The following ATAD1 variants were observed in gnomAD, a reference collection of about 807,000 sequenced individuals.
ATAD1 encodes the protein ATPase family AAA domain containing 1, also known as outer mitochondrial transmembrane helix translocase.
Under a neutral mutation model 42.7 loss-of-function variants are expected in ATAD1, and 18 were observed. The ratio of observed to expected loss-of-function variants is 0.42; its 90% CI spans 0.29 to 0.63. The LOEUF (loss-of-function observed/expected upper bound fraction) is 0.63, where lower values mean the gene tolerates loss of function less well. Ranked by LOEUF, ATAD1 falls within the 20% of genes least tolerant of loss-of-function variation. The pLI, the probability that ATAD1 is intolerant of heterozygous loss-of-function variation, is 0.19. For missense variants in ATAD1, 294 were observed against 440.4 expected, an observed-to-expected ratio of 0.67 and a Z score of 2.98; for synonymous variants, 132 against 143.1, an observed-to-expected ratio of 0.92 and a Z score of 0.55.
intron 1 of ATAD1, among the ~76,000 whole-genome samples, chr10:87,838,422 A>T (rs1246042660): frequency 7.7e-6 from 1 of 129,990 alleles, no homozygotes; most frequent in Non-Finnish European, 1.6e-5. Flanking sequence ...AGATTGTGCC[A>T]CTGCAGTCCA....
chr10:87,808,333 CAAAA>C (rs11289738), intron 2 of ATAD1, among the ~76,000 whole-genome samples: 1 of 138,482 alleles, frequency 7.2e-6, no homozygotes. Flanking sequence ...AAAGAAAAGC[CAAAA>C]AAAAAAAAAA....
chr10:87,824,481 A>G lies in ATAD1; in HGVS notation c.-13-9869T>C, dbSNP rs546818595. ...TGTTCTCAAGCCTCAGTTTCCTTAT[A>G]TTTAATATGGGAACAGTAACAGTAC... On this transcript the variant is annotated intron_variant, in intron 1 of 4. Transcript: ENST00000495903. 3.3e-5 allele frequency among the ~76,000 whole-genome samples: 5 copies of G among 152,302 alleles called. No homozygotes were observed. The South Asian group carries it at 8.3e-4, about 25-fold the overall frequency.
chr10:87,828,221 C>T (rs1239922558), intron 1 of ATAD1, among the ~76,000 whole-genome samples: 2 of 152,050 alleles, frequency 1.3e-5, no homozygotes, highest in Non-Finnish European at 2.9e-5. Flanking sequence ...TATTGGCCTC[C>T]CAAAATGTTG....
chr10:87,770,857 CT>C (rs1854996898), intron 7 of ATAD1, 94 bp downstream of exon 7: 5 of 1,086,328 alleles, frequency 4.6e-6, no homozygotes, highest in Non-Finnish European at 6.7e-6. Flanking sequence ...ATAAGCACCC[CT>C]ATATGACAAA....
At chr10:87,803,275 G>A (rs1293209198) in intron 2 of ATAD1, among the ~76,000 whole-genome samples, 4 of 152,140 alleles carry the variant, frequency 2.6e-5, no homozygotes, top group South Asian at 2.1e-4. Context: ...GAGATCAGAC[G>A]AAACTTGAGA....
chr10:87,814,048 T>G (rs1409645212), intron 2 of ATAD1, among the ~76,000 whole-genome samples: 2 of 152,108 alleles, frequency 1.3e-5, no homozygotes, highest in Non-Finnish European at 2.9e-5. Flanking sequence ...AGTTTAAGAC[T>G]GAGAGCGTTT....
intron 5 of ATAD1, 117 bp from the exon 6 acceptor site, chr10:87,776,544 T>C (rs1855314209): frequency 4.2e-6 from 3 of 706,578 alleles, no homozygotes; most frequent in South Asian, 1.8e-5. Context: ...TTACAGCACA[T>C]TGCAACCTCG....
Position 87,754,074 on chromosome 10 carries a change from T to C in ATAD1, c.*613A>G, listed in dbSNP as rs773005557. ...ATATGCAAGATGTGGAGGATCCAACTAATAACTGCAGAAATAAAAACACTC... is the reference window on the plus strand; with the variant it reads ...ATATGCAAGATGTGGAGGATCCAACCAATAACTGCAGAAATAAAAACACTC... On this transcript the variant is annotated 3_prime_UTR_variant, in exon 10 of 10. Coordinates refer to ENST00000680024, the MANE Select transcript of ATAD1 (RefSeq NM_001321967.2). The C allele has an allele frequency of 6.6e-6, 1 of 152,428 alleles. No homozygotes were observed. Among genetic ancestry groups the C allele is most frequent in the Non-Finnish European group, 1.5e-5 (1 of 68,004 alleles). 9.4% of individuals were successfully genotyped at this position (152,428 alleles called of 1,614,324 possible).
chr10:87,764,577 G>A (rs991249817), intron 8 of ATAD1, among the ~76,000 whole-genome samples: 1 of 152,142 alleles, frequency 6.6e-6, no homozygotes, highest in East Asian at 1.9e-4. Context: ...ATATGATAAA[G>A]ATTTAAATGT....
intron 3 of ATAD1, among the ~76,000 whole-genome samples, chr10:87,791,030 C>CAAAAAAAAAAAAAAAAAA (rs34722647): frequency 1.5e-5 from 1 of 66,276 alleles, no homozygotes; most frequent in Non-Finnish European, 2.9e-5. Context: ...ACTAAAATTA[C>CAAAAAAAAAAAAAAAAAA]AAAAAAAAAA....
intron 5 of ATAD1, among the ~76,000 whole-genome samples, chr10:87,777,492 T>C (rs1316517453): frequency 6.6e-6 from 1 of 152,154 alleles, no homozygotes; most frequent in Non-Finnish European, 1.5e-5. Flanking sequence ...AATTATTTTC[T>C]GTCTTCCAAA....
chr10:87,798,281 A>G (rs1008440341), intron 2 of ATAD1, among the ~76,000 whole-genome samples: 3 of 152,198 alleles, frequency 2.0e-5, no homozygotes, highest in Non-Finnish European at 2.9e-5. Flanking sequence ...TCCTTTTAAG[A>G]AAAAGTGGGA....
intron 1 of ATAD1, among the ~76,000 whole-genome samples, chr10:87,828,306 T>C (rs899290939): frequency 6.6e-6 from 1 of 152,136 alleles, no homozygotes; most frequent in South Asian, 2.1e-4. Context: ...CTCCAGTGAA[T>C]AAATGCATGA....
upstream of ATAD1, among the ~76,000 whole-genome samples, chr10:87,821,254 G>A (rs1407158535): frequency 4.6e-5 from 7 of 152,152 alleles, no homozygotes; most frequent in African/African-American, 9.7e-5. Flanking sequence ...TTGGCTGGGC[G>A]CAGTGGCTCA....
chr10:87,768,409 A>G (rs529830588), intron 7 of ATAD1, among the ~76,000 whole-genome samples: 1 of 152,320 alleles, frequency 6.6e-6, no homozygotes, highest in East Asian at 1.9e-4. Context: ...TACCAAATCA[A>G]ATTACTTGAA....
At chr10:87,782,906 G>A (rs542751124) in intron 5 of ATAD1, among the ~76,000 whole-genome samples, 10 of 152,088 alleles carry the variant, frequency 6.6e-5, no homozygotes, top group African/African-American at 2.2e-4. Flanking sequence ...GTTGAGGCAG[G>A]AGGATCGCTT....
chr10:87,754,855 G>A, intron 9 of ATAD1, 48 bp from the exon 10 acceptor site: 5 of 1,574,004 alleles, frequency 3.2e-6, no homozygotes, highest in Non-Finnish European at 4.3e-6. Flanking sequence ...TTTAGAATAT[G>A]CCTCCCTAAA....
chr10:87,829,929 A>G (rs1266671380), intron 1 of ATAD1, among the ~76,000 whole-genome samples: 1 of 152,258 alleles, frequency 6.6e-6, no homozygotes, highest in Non-Finnish European at 1.5e-5. Flanking sequence ...GAGAAAATTT[A>G]CTGCAATCTT....
chr10:87,766,644 A>T (rs914321125), intron 8 of ATAD1, among the ~76,000 whole-genome samples: 31 of 152,188 alleles, frequency 2.0e-4, no homozygotes, highest in African/African-American at 6.5e-4. Flanking sequence ...CAAAAAATAC[A>T]TGGTAAAAAT....
Sources: gnomAD v4.1 joint callset for allele counts (sites outside exome capture counted in the v4.1 genomes callset) on GRCh38, gnomAD v4.1.1 for gene constraint, MANE v1.5 for transcripts, NCBI Gene and HGNC (gene_info 2026-07-23, HGNC 2026-07-21) for gene names.